The following KIAA1549L variants were observed in gnomAD, a reference collection of about 807,000 sequenced individuals.
KIAA1549L encodes the protein KIAA1549 like.
A neutral mutation model predicts 160.7 loss-of-function variants in KIAA1549L; 88 were observed. That is an observed-to-expected ratio of 0.55 (90% confidence interval 0.46 to 0.65). KIAA1549L has a LOEUF of 0.65. KIAA1549L is among the 30% of genes least tolerant of loss of function. The pLI is 0.00. For synonymous variants in KIAA1549L, 950 were observed against 976.7 expected (o/e 0.97, Z 0.51); for missense variants, 2,258 against 2,437.5 (o/e 0.93, Z 1.55).
intron 1 of KIAA1549L, among the ~76,000 whole-genome samples, chr11:33,473,434 T>G (rs1426486528): frequency 1.3e-5 from 2 of 152,128 alleles, no homozygotes; most frequent in African/African-American, 4.8e-5. Flanking sequence ...AGAGGTTGCA[T>G]AGGAGTTGTC....
chr11:33,636,221 C>T (rs1228245680), intron 16 of KIAA1549L, among the ~76,000 whole-genome samples: 1 of 151,972 alleles, frequency 6.6e-6, no homozygotes, highest in African/African-American at 2.4e-5. Flanking sequence ...AGAGTGGTAA[C>T]GCAATTTGGT....
intron 1 of KIAA1549L, among the ~76,000 whole-genome samples, chr11:33,495,145 CTTTAAG>C (rs1852785062): frequency 6.6e-6 from 1 of 151,636 alleles, no homozygotes; most frequent in African/African-American, 2.4e-5. Context: ...TATTATTATA[CTTTAAG>C]TTTTAGGGTA....
intron 1 of KIAA1549L, among the ~76,000 whole-genome samples, chr11:33,527,458 A>G (rs1317276080): frequency 6.6e-6 from 1 of 152,214 alleles, no homozygotes; most frequent in East Asian, 1.9e-4. Context: ...TGGATCAAGG[A>G]CTTTAAGACC....
At chr11:33,594,737 C>T (rs1372239161) in intron 12 of KIAA1549L, among the ~76,000 whole-genome samples, 1 of 152,116 alleles carries the variant, frequency 6.6e-6, no homozygotes, top group Non-Finnish European at 1.5e-5. Context: ...CAAATTAGGA[C>T]CAAGAGATGT....
intron 11 of KIAA1549L, among the ~76,000 whole-genome samples, chr11:33,585,587 A>T (rs144416682): frequency 6.6e-6 from 1 of 152,306 alleles, no homozygotes; most frequent in Non-Finnish European, 1.5e-5. Context: ...TTACAACATG[A>T]GCCTTTTAGA....
intron 9 of KIAA1549L, among the ~76,000 whole-genome samples, chr11:33,574,110 C>G (rs553140266): frequency 2.0e-5 from 3 of 151,268 alleles, no homozygotes; most frequent in Middle Eastern, 3.4e-3. Context: ...CAGTAATTAG[C>G]TTGTGATAGA....
At chr11:33,667,466 C>T (rs184061589) in intron 20 of KIAA1549L, among the ~76,000 whole-genome samples, 3 of 151,878 alleles carry the variant, frequency 2.0e-5, no homozygotes, top group Non-Finnish European at 4.4e-5. Context: ...AATCTCGGCT[C>T]ATTGCAGCCT....
intron 1 of KIAA1549L, among the ~76,000 whole-genome samples, chr11:33,431,632 A>G (rs888849877): frequency 6.6e-6 from 1 of 152,244 alleles, no homozygotes; most frequent in Admixed American, 6.5e-5. Flanking sequence ...TGACCTAGAC[A>G]TAAAGGTTCT....
At chr11:33,455,091 AAAAC>A in intron 1 of KIAA1549L, among the ~76,000 whole-genome samples, 1 of 152,166 alleles carries the variant, frequency 6.6e-6, no homozygotes, top group South Asian at 2.1e-4. Flanking sequence ...TCCATCTCAA[AAAAC>A]AAAACAAAAC....
At chr11:33,420,235 G>GTTT (rs35430385) in intron 1 of KIAA1549L, among the ~76,000 whole-genome samples, 3 of 46,264 alleles carry the variant, frequency 6.5e-5, no homozygotes, top group Admixed American at 2.6e-4. Context: ...TTTTTTTTTT[G>GTTT]TTTTTTTTTT....
chr11:33,599,031 T>A (rs1850285591), intron 13 of KIAA1549L, 84 bp downstream of exon 13: 2 of 1,480,136 alleles, frequency 1.4e-6, no homozygotes, highest in Non-Finnish European at 1.8e-6. Flanking sequence ...GTGCACAAAC[T>A]CACACACAGC....
At chr11:33,516,152 T>A in intron 1 of KIAA1549L, among the ~76,000 whole-genome samples, 2 of 13,796 alleles carry the variant, frequency 1.4e-4, no homozygotes, top group Non-Finnish European at 1.2e-4. Flanking sequence ...TTTTTTTTTT[T>A]TTTTTTTTTT....
chr11:33,583,633 ATCCT>A, intron 11 of KIAA1549L, 132 bp downstream of exon 11: 1 of 805,628 alleles, frequency 1.2e-6, no homozygotes, highest in Non-Finnish European at 1.9e-6. Flanking sequence ...TTTGAAGGAG[ATCCT>A]TCCTTTTAGT....
At chr11:33,529,793 C>G (rs1853696700) in intron 1 of KIAA1549L, among the ~76,000 whole-genome samples, 2 of 152,152 alleles carry the variant, frequency 1.3e-5, no homozygotes, top group South Asian at 4.1e-4. Flanking sequence ...AGGGAGATAA[C>G]TGGCTAGCTA....
At chr11:33,578,185 G>A (rs1324271986) in intron 10 of KIAA1549L, among the ~76,000 whole-genome samples, 1 of 152,146 alleles carries the variant, frequency 6.6e-6, no homozygotes, top group East Asian at 1.9e-4. Flanking sequence ...AGTGGACGGG[G>A]TCAGGGGCTA....
chr11:33,408,012 T>TC (rs909761033), intron 1 of KIAA1549L, among the ~76,000 whole-genome samples: 2 of 152,270 alleles, frequency 1.3e-5, no homozygotes, highest in African/African-American at 4.8e-5. Context: ...TGTTTTTTTT[T>TC]CCCACCTTGT....
intron 1 of KIAA1549L, among the ~76,000 whole-genome samples, chr11:33,454,096 C>T (rs895979225): frequency 2.0e-5 from 3 of 152,196 alleles, no homozygotes; most frequent in African/African-American, 7.2e-5. Flanking sequence ...ACTAAAATAC[C>T]TGACCCATCT....
chr11:33,393,526 A>G (rs543808620), intron 1 of KIAA1549L, among the ~76,000 whole-genome samples: 25 of 152,356 alleles, frequency 1.6e-4, no homozygotes, highest in Admixed American at 1.6e-3. Flanking sequence ...ATAAGTGAGG[A>G]CACACACGGT....
chr11:33,581,397 TTG>T (rs10579855), intron 10 of KIAA1549L, among the ~76,000 whole-genome samples: 45,862 of 149,538 alleles, frequency 0.31, 7,726 homozygotes, highest in East Asian at 0.43. Context: ...TTCTGACAAA[TTG>T]TGTGTGTGTG....
Sources: gnomAD v4.1 joint callset for allele counts (sites outside exome capture counted in the v4.1 genomes callset) on GRCh38, gnomAD v4.1.1 for gene constraint, MANE v1.5 for transcripts, NCBI Gene and HGNC (gene_info 2026-07-23, HGNC 2026-07-21) for gene names.